Variants in ADCK1 observed in about 807,000 individuals in gnomAD.
The protein encoded by ADCK1 is aarF domain-containing protein kinase 1.
Under a neutral mutation model 52.3 loss-of-function variants are expected in ADCK1, and 41 were observed. The observed-to-expected ratio is 0.78, with a 90% CI of 0.61 to 1.02. The LOEUF (loss-of-function observed/expected upper bound fraction) is 1.02, where lower values mean the gene tolerates loss of function less well. Among genes scored for constraint, ADCK1 ranks in the 50% least tolerant of loss-of-function variants. ADCK1 has a pLI of 0.00. For synonymous variants in ADCK1, 250 were observed against 274.6 expected (o/e 0.91, Z 0.89); for missense variants, 658 against 679.5 (o/e 0.97, Z 0.35).
In ADCK1 at chr14:77,900,086, G is replaced by GAAA. The variant is rs10656507; in HGVS notation, c.741+830_741+832dup. On this transcript the variant is annotated intron_variant, in intron 6 of 10. Transcript: ENST00000238561. ...ACTCCGTCTCAAAAAAAAAAAAAAA[G>GAAA]AAAATTCATCAGTAATACAGTAATA... is the stretch of plus-strand genomic sequence containing the variant. Among the ~76,000 whole-genome samples, 227 of 142,552 alleles carry GAAA rather than the reference G, an allele frequency of 1.6e-3. 1 individual carries two copies. Among genetic ancestry groups the GAAA allele is most frequent in the Middle Eastern group, 7.3e-3 (2 of 274 alleles). The allele number at this position is 142,552 out of a possible 152,430, so 93.5% of individuals were successfully genotyped here.
intron 3 of ADCK1, among the ~76,000 whole-genome samples, chr14:77,829,668 CT>C (rs1348168355): frequency 2.0e-5 from 3 of 151,342 alleles, no homozygotes; most frequent in African/African-American, 7.3e-5. Context: ...AGCATTCTCC[CT>C]TTTTTAAATA....
intron 4 of ADCK1, among the ~76,000 whole-genome samples, chr14:77,866,398 C>T (rs1414863741): frequency 1.3e-5 from 2 of 152,112 alleles, no homozygotes; most frequent in Non-Finnish European, 2.9e-5. Context: ...GATCAGTACC[C>T]AGCACTCTAT....
intron 3 of ADCK1, among the ~76,000 whole-genome samples, chr14:77,850,365 A>G (rs2140112439): frequency 6.6e-6 from 1 of 152,120 alleles, no homozygotes; most frequent in Middle Eastern, 3.4e-3. Flanking sequence ...TTTTCTATCT[A>G]TTTGTTATAT....
At chr14:77,801,266 G>C (rs1298110386) in intron 1 of ADCK1, among the ~76,000 whole-genome samples, 1 of 152,154 alleles carries the variant, frequency 6.6e-6, no homozygotes, top group Non-Finnish European at 1.5e-5. Context: ...TGCAGTTGCT[G>C]TTGGTCTGGG....
Position 77,931,640 on chromosome 14 carries a change from C to T in ADCK1, c.1329C>T (p.Ala443=), listed in dbSNP as rs149764524. ...KTNDLLRGIE[A]ALGTRASASS... ...ACGACCTGCTGCGTGGCATTGAGGC[C>T]GCCCTGGGCACCCGCGCCAGCGCCA... is the stretch of plus-strand genomic sequence containing the variant. Residue 443 remains alanine, a synonymous_variant, in exon 10 of 11, where the codon GCC becomes GCT. Coordinates refer to ENST00000238561, the MANE Select transcript of ADCK1 (RefSeq NM_020421.4). 1,278 of 1,612,330 alleles carry T rather than the reference C, an allele frequency of 7.9e-4. 4 individuals carry two copies. Among genetic ancestry groups the T allele is most frequent in the Non-Finnish European group, 6.3e-4 (738 of 1,180,038 alleles).
At chr14:77,871,939 G>C (rs911321819) in intron 4 of ADCK1, among the ~76,000 whole-genome samples, 1 of 152,212 alleles carries the variant, frequency 6.6e-6, no homozygotes, top group Non-Finnish European at 1.5e-5. Flanking sequence ...TCTGGCTTCA[G>C]AACCCAGGCT....
chr14:77,886,036 T>C (rs1314538920), intron 4 of ADCK1, among the ~76,000 whole-genome samples: 3 of 152,162 alleles, frequency 2.0e-5, no homozygotes, highest in Non-Finnish European at 4.4e-5. Context: ...TTCTACTTCA[T>C]AGAAAAAGAA....
chr14:77,837,187 T>C (rs1262325038), intron 3 of ADCK1, among the ~76,000 whole-genome samples: 1 of 151,564 alleles, frequency 6.6e-6, no homozygotes, highest in African/African-American at 2.4e-5. Context: ...TCTGGCTCTG[T>C]TGCCTAGGCT....
At chr14:77,879,532 T>C (rs1435018913) in intron 4 of ADCK1, among the ~76,000 whole-genome samples, 1 of 152,100 alleles carries the variant, frequency 6.6e-6, no homozygotes, top group African/African-American at 2.4e-5. Flanking sequence ...CGAGGTCATA[T>C]GTTTCTAGCA....
intron 1 of ADCK1, among the ~76,000 whole-genome samples, chr14:77,809,028 A>G (rs548958205): frequency 1.1e-4 from 16 of 152,342 alleles, no homozygotes; most frequent in Middle Eastern, 6.8e-3. Flanking sequence ...TTGGCTCACA[A>G]GAAGCTTCAT....
In ADCK1 at chr14:77,933,611, C is replaced by G; in HGVS notation, c.*220C>G. ...TGTGGCATAGCTCTCTCTTCTTCTC[C>G]AAGAAGACTCAGCAGCCTACATTCC... On this transcript the variant is annotated 3_prime_UTR_variant, in exon 11 of 11. Transcript: ENST00000238561. 1 of 540,496 alleles carries G rather than the reference C, an allele frequency of 1.9e-6. No homozygotes were observed. Among genetic ancestry groups the G allele is most frequent in the Non-Finnish European group, 3.3e-6 (1 of 307,254 alleles). 33.5% of individuals were successfully genotyped at this position (540,496 alleles called of 1,614,324 possible).
chr14:77,845,412 A>G (rs2082154376), intron 3 of ADCK1, among the ~76,000 whole-genome samples: 1 of 152,156 alleles, frequency 6.6e-6, no homozygotes, highest in Non-Finnish European at 1.5e-5. Flanking sequence ...CTCAATTAAA[A>G]TGTTCCTTTT....
In ADCK1 at chr14:77,845,715, G is replaced by A. The variant is rs535712600; in HGVS notation, c.220-13361G>A. ...GCTGGGATTACAGGCATGAGCCACC[G>A]CACCTGGCCAAAATGTTCCTTTTTA... On this transcript the variant is annotated intron_variant, in intron 3 of 10. Transcript: ENST00000238561. Among the ~76,000 whole-genome samples the A allele has an allele frequency of 3.9e-5, 6 of 152,120 alleles. No individual in the cohort carries two copies. In the South Asian group the frequency reaches 8.3e-4, roughly 21 times the overall value.
chr14:77,924,594 T>C lies in ADCK1; in HGVS notation c.996T>C (p.His332=). 1.9e-6 allele frequency: 3 copies of C among 1,613,288 alleles called. No individual in the cohort carries two copies. Among genetic ancestry groups the C allele is most frequent in the Non-Finnish European group, 2.5e-6 (3 of 1,180,032 alleles). ...AGGCGGAGATTGTCCTGTTGGACCA[T>C]GGGCTTTACCAGGTAGAAGAGGCCT... ...TGKAEIVLLD[H]GLYQMLTEEF... Residue 332 remains histidine (H), a synonymous_variant, in exon 8 of 11, where the codon CAT becomes CAC. Transcript: ENST00000238561.
At chr14:77,924,918 G>C (rs923711423) in intron 8 of ADCK1, among the ~76,000 whole-genome samples, 3 of 152,236 alleles carry the variant, frequency 2.0e-5, no homozygotes, top group Non-Finnish European at 4.4e-5. Context: ...GAAGTGAGCT[G>C]TCCTCTGCAT....
chr14:77,825,368 C>T (rs957398325), intron 3 of ADCK1, among the ~76,000 whole-genome samples: 5 of 117,910 alleles, frequency 4.2e-5, no homozygotes, highest in Admixed American at 9.6e-5. Flanking sequence ...TTAGCTAAGC[C>T]GGCTTTGGGA....
intron 3 of ADCK1, among the ~76,000 whole-genome samples, chr14:77,850,697 C>A (rs935765107): frequency 2.2e-5 from 3 of 139,332 alleles, no homozygotes; most frequent in African/African-American, 8.3e-5. Flanking sequence ...GTTACCCAGG[C>A]TGGAGTGCAG....
chr14:77,834,301 G>C (rs1335371046), intron 3 of ADCK1, among the ~76,000 whole-genome samples: 1 of 152,080 alleles, frequency 6.6e-6, no homozygotes, highest in East Asian at 1.9e-4. Flanking sequence ...CTGGGTACCA[G>C]CTGAAATTGC....
intron 4 of ADCK1, among the ~76,000 whole-genome samples, chr14:77,866,977 C>G (rs2082675051): frequency 2.0e-5 from 3 of 152,214 alleles, no homozygotes; most frequent in African/African-American, 7.2e-5. Context: ...CTTTCCAGCA[C>G]TGATCCAACT....
Sources: gnomAD v4.1 joint callset for allele counts (sites outside exome capture counted in the v4.1 genomes callset) on GRCh38, gnomAD v4.1.1 for gene constraint, MANE v1.5 for transcripts, NCBI Gene and HGNC (gene_info 2026-07-23, HGNC 2026-07-21) for gene names.